Variants in NBPF20 observed in about 807,000 individuals in gnomAD.
NBPF20 encodes NBPF member 20.
NBPF20 carries 90 observed loss-of-function variants against 68.1 expected under a neutral mutation model. The observed-to-expected ratio is 1.32, with a 90% confidence interval of 1.11 to 1.58. NBPF20 has a LOEUF of 1.58. Among genes scored for constraint, NBPF20 ranks in the 40% most tolerant of loss-of-function variants. The pLI is 0.00. For synonymous variants in NBPF20, 290 were observed against 228.1 expected (o/e 1.27, Z -2.45); for missense variants, 816 against 601.2 (o/e 1.36, Z -3.74).
the NBPF20 span, among the ~76,000 whole-genome samples, chr1:145,417,752 A>G: frequency 4.1e-5 from 6 of 147,658 alleles, no homozygotes; most frequent in Non-Finnish European, 6.0e-5. Context: ...AAACAACGAG[A>G]TATCACTGTA....
Position 145,393,645 on chromosome 1 carries a change from C to G in NBPF20, c.1043+239G>C. The G allele has an allele frequency of 1.2e-5, 13 of 1,048,974 alleles. No homozygotes were observed. In the South Asian group the frequency reaches 2.1e-4, roughly 17 times the overall value. The allele number at this position is 1,048,974 out of a possible 1,614,324, so 65.0% of individuals were successfully genotyped here. A position where few individuals can be genotyped will look rare whatever the true frequency, so the allele number is the denominator to read the frequency against. On this transcript the variant is annotated intron_variant, in intron 9 of 137. Transcript: ENST00000369373. ...ATGTGCTCAAGTTTCCCTGCAGTTA[C>G]CATGAGAATACAGCTTTTGAGTTAT...
At chr1:145,400,441 C>G (rs521219) in exon 6 of NBPF20, 296 of 1,613,128 alleles carry the variant, frequency 1.8e-4, no homozygotes, top group East Asian at 7.4e-4. Flanking sequence ...ATGAGCCAAT[C>G]AGAGTTGAGT....
At chr1:145,306,446 TC>T (rs1661414296) in intron 119 of NBPF20, among the ~76,000 whole-genome samples, 1 of 116,420 alleles carries the variant, frequency 8.6e-6, no homozygotes, top group Non-Finnish European at 1.8e-5. Context: ...TCAATAATTT[TC>T]CATAAAATGT....
chr1:145,393,350 A>G, intron 9 of NBPF20, 104 bp from the exon 15 acceptor site: 1 of 703,306 alleles, frequency 1.4e-6, no homozygotes. Flanking sequence ...GAAAAGAAAA[A>G]GGACAGATCC....
upstream of NBPF20, among the ~76,000 whole-genome samples, chr1:145,406,214 G>A (rs370813644): frequency 2.4e-4 from 37 of 151,636 alleles, no homozygotes; most frequent in Middle Eastern, 3.4e-3. Flanking sequence ...GATTACAGGC[G>A]TGAGCCACCG....
At chr1:145,408,712 T>C (rs1208484343), upstream of NBPF20, among the ~76,000 whole-genome samples, 10 of 151,994 alleles carry the variant, frequency 6.6e-5, no homozygotes, top group Non-Finnish European at 1.3e-4. Flanking sequence ...CAAAATTGAG[T>C]CTTCCAATCA....
At chr1:145,413,478 GAACA>G in the NBPF20 span, among the ~76,000 whole-genome samples, 2 of 152,022 alleles carry the variant, frequency 1.3e-5, no homozygotes, top group Non-Finnish European at 2.9e-5. Flanking sequence ...ACGGCTAAAG[GAACA>G]AACTTTTGAC....
At chr1:145,393,828 C>G in intron 9 of NBPF20, 56 bp downstream of exon 14, 5 of 1,267,790 alleles carry the variant, frequency 3.9e-6, no homozygotes, top group East Asian at 2.3e-5. Context: ...TTTCCCTGGA[C>G]TTGGCATCTC....
chr1:145,398,707 G>T, intron 7 of NBPF20, among the ~76,000 whole-genome samples: 1 of 151,570 alleles, frequency 6.6e-6, no homozygotes, highest in African/African-American at 2.4e-5. Context: ...GCTAGCAGAA[G>T]ACAAGAAGTA....
exon 138 of NBPF20, chr1:145,291,371 T>C: frequency 6.5e-7 from 1 of 1,536,302 alleles, no homozygotes; most frequent in East Asian, 2.2e-5. Flanking sequence ...TGAGCACAGG[T>C]TGCCACTGGC....
chr1:145,422,084 A>C, the NBPF20 span, among the ~76,000 whole-genome samples: 1 of 151,744 alleles, frequency 6.6e-6, no homozygotes, highest in Non-Finnish European at 1.5e-5. Flanking sequence ...ACTATTATGT[A>C]GAATACTATT....
chr1:145,411,209 T>C, the NBPF20 span, among the ~76,000 whole-genome samples: 6 of 146,176 alleles, frequency 4.1e-5, no homozygotes, highest in Admixed American at 1.4e-4. Context: ...TTTATTAGAA[T>C]TGCATTGGAT....
At chr1:145,291,541 G>A (rs781928869) in exon 138 of NBPF20, 9 of 1,611,892 alleles carry the variant, frequency 5.6e-6, no homozygotes, top group East Asian at 2.2e-5. Context: ...GTGGGAATAT[G>A]ACTCCCATCT....
At chr1:145,291,202 G>A in exon 138 of NBPF20, 1 of 487,636 alleles carries the variant, frequency 2.1e-6, no homozygotes, top group Non-Finnish European at 3.7e-6. Flanking sequence ...AGCAGGTATA[G>A]AAGCTCAGAG....
chr1:145,311,065 G>A (rs1359579227), intron 113 of NBPF20, among the ~76,000 whole-genome samples: 16 of 84,546 alleles, frequency 1.9e-4, no homozygotes, highest in African/African-American at 9.3e-4. Flanking sequence ...GAGAAAGTAA[G>A]CTCAGCGAGT....
chr1:145,292,416 T>C (rs782238657), exon 137 of NBPF20: 4 of 693,014 alleles, frequency 5.8e-6, no homozygotes, highest in South Asian at 3.1e-5. Flanking sequence ...CTTCCCCTTC[T>C]TTTCTTCCCC....
intron 6 of NBPF20, among the ~76,000 whole-genome samples, chr1:145,399,986 G>A (rs1662438031): frequency 6.6e-6 from 1 of 152,180 alleles, no homozygotes; most frequent in Non-Finnish European, 1.5e-5. Context: ...TGAGAGCAGT[G>A]AAGCCGGGGG....
At chr1:145,413,548 C>T in the NBPF20 span, among the ~76,000 whole-genome samples, 7 of 151,956 alleles carry the variant, frequency 4.6e-5, no homozygotes, top group East Asian at 1.9e-4. Flanking sequence ...AGGAGCCATA[C>T]GCAAAAGAGT....
chr1:145,402,493 G>A (rs1180862830), intron 3 of NBPF20, 112 bp from the exon 9 acceptor site: 11 of 1,076,776 alleles, frequency 1.0e-5, no homozygotes, highest in Non-Finnish European at 1.6e-5. Context: ...GAAGCAGAAG[G>A]TCAGCACATG....
Sources: allele counts gnomAD v4.1 joint callset (sites outside exome capture counted in the v4.1 genomes callset), GRCh38; gene constraint gnomAD v4.1.1; transcripts MANE v1.5; gene names NCBI Gene and HGNC (gene_info 2026-07-23, HGNC 2026-07-21).